CLASP2: variants seen among roughly 807,000 people sequenced by gnomAD.
CLASP2 encodes the protein cytoplasmic linker associated protein 2, also known as CLIP-associating protein 2.
A neutral mutation model predicts 194.4 loss-of-function variants in CLASP2; 47 were observed. The ratio of observed to expected loss-of-function variants is 0.24; its 90% confidence interval spans 0.19 to 0.31. The LOEUF is 0.31. Among genes scored for constraint, CLASP2 ranks in the 10% least tolerant of loss-of-function variants. CLASP2 has a pLI of 1.00. For synonymous variants in CLASP2, 619 were observed against 633.5 expected, an observed-to-expected ratio of 0.98 and a Z score of 0.34; for missense variants, 1,445 against 1,823.6, an observed-to-expected ratio of 0.79 and a Z score of 3.78.
intron 2 of CLASP2, among the ~76,000 whole-genome samples, chr3:33,695,327 T>C (rs1227764215): frequency 6.7e-6 from 1 of 148,500 alleles, no homozygotes; most frequent in African/African-American, 2.5e-5. Flanking sequence ...TCCTAAACTG[T>C]TGGGATTACA....
At chr3:33,610,468 T>C (rs2074925809) in intron 13 of CLASP2, among the ~76,000 whole-genome samples, 1 of 152,194 alleles carries the variant, frequency 6.6e-6, no homozygotes, top group African/African-American at 2.4e-5. Flanking sequence ...TGTACTCCAC[T>C]CACTCTCCCT....
intron 12 of CLASP2, among the ~76,000 whole-genome samples, chr3:33,616,688 C>A (rs2076224084): frequency 1.3e-5 from 2 of 150,324 alleles, no homozygotes; most frequent in South Asian, 4.2e-4. Context: ...TGATCCCACC[C>A]AATTCAAGGA....
chr3:33,669,507 T>C (rs926980674), intron 6 of CLASP2, among the ~76,000 whole-genome samples: 1 of 151,844 alleles, frequency 6.6e-6, no homozygotes, highest in African/African-American at 2.4e-5. Context: ...ACTTGAAGCA[T>C]ATAGCATTGA....
intron 6 of CLASP2, among the ~76,000 whole-genome samples, chr3:33,679,126 A>G (rs530768796): frequency 6.6e-6 from 1 of 152,318 alleles, no homozygotes; most frequent in Admixed American, 6.5e-5. Flanking sequence ...GACAAAGTCA[A>G]TATAAAGAAT....
At chr3:33,698,453 G>A (rs1439816524) in intron 1 of CLASP2, among the ~76,000 whole-genome samples, 1 of 152,038 alleles carries the variant, frequency 6.6e-6, no homozygotes, top group African/African-American at 2.4e-5. Flanking sequence ...AAAGAATGAC[G>A]CTGTTTCCCC....
chr3:33,560,692 G>T, intron 28 of CLASP2, 116 bp downstream of exon 28: 1 of 815,322 alleles, frequency 1.2e-6, no homozygotes, highest in Non-Finnish European at 2.0e-6. Context: ...ATCTTCAAAC[G>T]GAATCCATGC....
At chr3:33,646,783 T>C (rs749979925) in intron 7 of CLASP2, among the ~76,000 whole-genome samples, 6 of 152,202 alleles carry the variant, frequency 3.9e-5, no homozygotes, top group Non-Finnish European at 7.3e-5. Context: ...TTTCACAAAA[T>C]GATCATGCCA....
At chr3:33,564,103 T>G in intron 27 of CLASP2, 1 of 358,142 alleles carries the variant, frequency 2.8e-6, no homozygotes, top group South Asian at 2.1e-5. Flanking sequence ...ATTTATGTTA[T>G]TTTCCCATCT....
In CLASP2 at chr3:33,592,453, T is replaced by C; in HGVS notation, c.2010A>G (p.Gly670=). 1.2e-6 allele frequency: 2 copies of C among 1,613,828 alleles called. No individual in the cohort carries two copies. The highest frequency in any genetic ancestry group is 1.7e-6 in the Non-Finnish European group (2 of 1,179,816). ...TTCCTCTAGAATCTGCCTTGGCATTTCCCATGCCAGCAAGTGGTGCTGAAA... is the reference window on the plus strand; with the variant it reads ...TTCCTCTAGAATCTGCCTTGGCATTCCCCATGCCAGCAAGTGGTGCTGAAA... ...AKLSAPLAGM[G]NAKADSRGRS... The change falls in exon 21 of 39, where the codon GGA becomes GGG. Residue 670 remains glycine (G), a synonymous_variant. Coordinates refer to ENST00000682230, the MANE Select transcript of CLASP2 (RefSeq NM_001365631.1).
At chr3:33,703,349 T>C (rs960816588) in intron 1 of CLASP2, among the ~76,000 whole-genome samples, 1 of 152,076 alleles carries the variant, frequency 6.6e-6, no homozygotes, top group African/African-American at 2.4e-5. Context: ...AATAAGCACA[T>C]GAAGAGATTC....
At chr3:33,711,406 T>TG (rs2093000334) in intron 1 of CLASP2, among the ~76,000 whole-genome samples, 1 of 151,276 alleles carries the variant, frequency 6.6e-6, no homozygotes, top group Non-Finnish European at 1.5e-5. Flanking sequence ...CCACCATACC[T>TG]GGCTAATTTT....
intron 12 of CLASP2, among the ~76,000 whole-genome samples, chr3:33,616,873 G>A (rs1305209337): frequency 6.6e-6 from 1 of 151,244 alleles, no homozygotes; most frequent in Non-Finnish European, 1.5e-5. Context: ...GAGTAGCTGG[G>A]ATTACAGGCA....
chr3:33,580,844 T>C (rs1443156009), intron 23 of CLASP2, among the ~76,000 whole-genome samples: 2 of 150,554 alleles, frequency 1.3e-5, no homozygotes, highest in Non-Finnish European at 3.0e-5. Context: ...TGAAACACCG[T>C]CTCTACTGAA....
intron 7 of CLASP2, chr3:33,645,539 C>A (rs1002973955): frequency 6.7e-6 from 3 of 445,170 alleles, no homozygotes; most frequent in Non-Finnish European, 1.2e-5. Context: ...GCAGCTACTG[C>A]CAGATGAAAG....
rs1046065596 is a variant in CLASP2 at position 33,515,964 on chromosome 3, G to C, written c.4110+59C>G. 2.7e-6 allele frequency: 4 copies of C among 1,505,088 alleles called. No homozygotes were observed. In the African/African-American group the frequency reaches 4.2e-5, roughly 16 times the overall value. The allele number at this position is 1,505,088 out of a possible 1,614,324, so 93.2% of individuals were successfully genotyped here. A position where few individuals can be genotyped will look rare whatever the true frequency, so the allele number is the denominator to read the frequency against. The stretch of plus-strand genomic sequence containing the variant: ...TTAATAAGGCTACATTTTACACAAT[G>C]GTTACATGTTTCATGAAATAAAATA... On this transcript the variant is annotated intron_variant, in intron 36 of 38. Transcript: ENST00000682230.
At chr3:33,536,721 G>C (rs2057407718) in intron 33 of CLASP2, among the ~76,000 whole-genome samples, 1 of 152,206 alleles carries the variant, frequency 6.6e-6, no homozygotes, top group Admixed American at 6.5e-5. Flanking sequence ...ATCCAGGTGA[G>C]AGAAATGATG....
intron 23 of CLASP2, among the ~76,000 whole-genome samples, chr3:33,576,909 T>C (rs2065017681): frequency 6.6e-6 from 1 of 151,856 alleles, no homozygotes; most frequent in South Asian, 2.1e-4. Context: ...TTTGGTTTTT[T>C]TTTTTTTAAA....
At chr3:33,693,923 C>G (rs1042326351) in intron 2 of CLASP2, among the ~76,000 whole-genome samples, 65 of 151,592 alleles carry the variant, frequency 4.3e-4, no homozygotes, top group African/African-American at 1.4e-3. Flanking sequence ...ATGAAAAACA[C>G]TAACCAACAA....
At chr3:33,585,068 T>C (rs1225649606) in intron 21 of CLASP2, 148 bp from the exon 22 acceptor site, 2 of 599,874 alleles carry the variant, frequency 3.3e-6, no homozygotes, top group Non-Finnish European at 5.4e-6. Flanking sequence ...CCGAGGAAGA[T>C]TTAAATATAA....
Sources: gnomAD v4.1 joint callset for allele counts (sites outside exome capture counted in the v4.1 genomes callset) on GRCh38, gnomAD v4.1.1 for gene constraint, MANE v1.5 for transcripts, NCBI Gene and HGNC (gene_info 2026-07-23, HGNC 2026-07-21) for gene names.